DENND1B: variants seen among roughly 807,000 people sequenced by gnomAD.
DENND1B encodes DENN domain-containing protein 1B.
Under a neutral mutation model 90.1 loss-of-function variants are expected in DENND1B, and 59 were observed. That is an observed-to-expected ratio of 0.65 (90% CI 0.53 to 0.81). The LOEUF is 0.81. Ranked by LOEUF, DENND1B falls within the 40% of genes least tolerant of loss-of-function variation. The pLI is 0.00. For missense variants in DENND1B, 862 were observed against 912.6 expected (o/e 0.94, Z 0.71); for synonymous variants, 337 against 324.6 (o/e 1.04, Z -0.41).
chr1:197,704,694 A>G (rs942497799), intron 3 of DENND1B, among the ~76,000 whole-genome samples: 18 of 152,208 alleles, frequency 1.2e-4, no homozygotes, highest in South Asian at 4.1e-4. Flanking sequence ...TAACAACTCC[A>G]TGTTATGAAA....
rs1027379897 is a variant in DENND1B, at chr1:197,567,512, C to T, written c.1150-14400G>A. ...TATGTGGCCAGCATTACTCTCACAC[C>T]AAAGCCAGACAAGGAGACTCCAAAA... On this transcript the variant is annotated intron_variant, in intron 15 of 22. Transcript: ENST00000620048. 2.0e-5 allele frequency among the ~76,000 whole-genome samples: 3 copies of T among 152,158 alleles called. No individual in the cohort carries two copies. The East Asian group carries it at 5.8e-4, about 29-fold the overall frequency.
intron 15 of DENND1B, among the ~76,000 whole-genome samples, chr1:197,573,067 TTGTTGA>T (rs1428726002): frequency 6.6e-6 from 1 of 152,168 alleles, no homozygotes; most frequent in East Asian, 1.9e-4. Flanking sequence ...TCTATCAATT[TTGTTGA>T]TCCTTTCAAA....
At chr1:197,542,106 G>A (rs914560325) in intron 18 of DENND1B, among the ~76,000 whole-genome samples, 10 of 152,138 alleles carry the variant, frequency 6.6e-5, no homozygotes, top group African/African-American at 2.2e-4. Flanking sequence ...CACAATGCAA[G>A]TATTCTCCAG....
intron 15 of DENND1B, among the ~76,000 whole-genome samples, chr1:197,580,035 T>C (rs559314292): frequency 1.3e-5 from 2 of 151,268 alleles, no homozygotes; most frequent in East Asian, 3.9e-4. Flanking sequence ...TAGCTCTCAT[T>C]TATAATTTCT....
intron 3 of DENND1B, chr1:197,689,531 A>G (rs1657628296): frequency 6.5e-6 from 1 of 152,930 alleles, no homozygotes; most frequent in East Asian, 1.9e-4. Flanking sequence ...ATCTCCAAGA[A>G]TGAGCAGACT....
intron 3 of DENND1B, among the ~76,000 whole-genome samples, chr1:197,714,344 A>G (rs1660416657): frequency 6.6e-6 from 1 of 152,154 alleles, no homozygotes; most frequent in Non-Finnish European, 1.5e-5. Context: ...TATATTACAT[A>G]TAAAGCAACA....
intron 3 of DENND1B, among the ~76,000 whole-genome samples, chr1:197,701,230 C>T (rs1658993505): frequency 6.6e-6 from 1 of 152,148 alleles, no homozygotes; most frequent in Non-Finnish European, 1.5e-5. Context: ...ACATATACAC[C>T]ATGGAATACT....
chr1:197,701,285 T>C (rs915333946), intron 3 of DENND1B, among the ~76,000 whole-genome samples: 3 of 152,188 alleles, frequency 2.0e-5, no homozygotes, highest in Admixed American at 1.3e-4. Flanking sequence ...TGCAGGGACA[T>C]GGATGAAGCT....
At chr1:197,606,470 G>A (rs1037961224) in intron 13 of DENND1B, 5 of 151,154 alleles carry the variant, frequency 3.3e-5, no homozygotes, top group African/African-American at 1.2e-4. Context: ...AACAGTGTAG[G>A]TTTTCATTCT....
chr1:197,611,818 G>A, intron 12 of DENND1B, 113 bp downstream of exon 12: 1 of 807,932 alleles, frequency 1.2e-6, no homozygotes, highest in Non-Finnish European at 2.0e-6. Context: ...CTCTAAATAT[G>A]AAACTAGTCA....
chr1:197,646,503 T>C (rs868443107), intron 8 of DENND1B, among the ~76,000 whole-genome samples: 5 of 151,992 alleles, frequency 3.3e-5, no homozygotes, highest in South Asian at 4.1e-4. Context: ...AATTTAATCA[T>C]CAAAAGTTTT....
chr1:197,752,803 A>G (rs1300676853), intron 2 of DENND1B, among the ~76,000 whole-genome samples: 4 of 151,676 alleles, frequency 2.6e-5, no homozygotes, highest in Admixed American at 2.6e-4. Flanking sequence ...ACCCCACGAC[A>G]GGCCCCGGTG....
chr1:197,745,654 TA>T (rs1663669860), intron 2 of DENND1B, among the ~76,000 whole-genome samples: 1 of 147,542 alleles, frequency 6.8e-6, no homozygotes, highest in South Asian at 2.1e-4. Flanking sequence ...TATATAATAA[TA>T]ATGAAAATTT....
At chr1:197,565,458 TTTTC>T (rs1457638644) in intron 15 of DENND1B, among the ~76,000 whole-genome samples, 5 of 148,872 alleles carry the variant, frequency 3.4e-5, no homozygotes, top group Admixed American at 6.8e-5. Context: ...ACTCCTATAA[TTTTC>T]TTTTTTTTCT....
chr1:197,689,569 T>C lies in DENND1B; in HGVS notation c.127-15400A>G, dbSNP rs114665551. On this transcript the variant is annotated intron_variant, in intron 3 of 22. Transcript: ENST00000620048. ...TGAGCATATCCCTCTGGCTTCCACA[T>C]TGATTGTAAAACAACCAACTGTTCA... 2.4e-3 allele frequency: 366 copies of C among 155,592 alleles called. 4 individuals are homozygous for C. The highest frequency in any genetic ancestry group is 8.4e-3 in the African/African-American group (349 of 41,606). The allele number at this position is 155,592 out of a possible 1,614,324, so 9.6% of individuals were successfully genotyped here. A position where few individuals can be genotyped will look rare whatever the true frequency, so the allele number is the denominator to read the frequency against.
intron 15 of DENND1B, among the ~76,000 whole-genome samples, chr1:197,556,787 G>C (rs544003505): frequency 7.7e-4 from 117 of 152,042 alleles, no homozygotes; most frequent in Non-Finnish European, 1.5e-3. Context: ...TGTCTGCATT[G>C]TGTACACCCA....
intron 2 of DENND1B, among the ~76,000 whole-genome samples, chr1:197,718,015 C>T (rs758091209): frequency 2.0e-5 from 3 of 151,732 alleles, no homozygotes; most frequent in Non-Finnish European, 4.4e-5. Flanking sequence ...GGTTTCAGTG[C>T]CTAATATACC....
chr1:197,595,863 T>C (rs1675641837), intron 13 of DENND1B, among the ~76,000 whole-genome samples: 1 of 152,102 alleles, frequency 6.6e-6, no homozygotes, highest in Non-Finnish European at 1.5e-5. Flanking sequence ...ATTGAAATTA[T>C]ACCATGAGTG....
intron 4 of DENND1B, among the ~76,000 whole-genome samples, chr1:197,673,756 T>C (rs1023693919): frequency 3.9e-5 from 6 of 152,052 alleles, no homozygotes; most frequent in African/African-American, 1.2e-4. Flanking sequence ...TGAAGTGAGA[T>C]AGAAACCAGG....
Sources: gnomAD v4.1 joint callset for allele counts (sites outside exome capture counted in the v4.1 genomes callset) on GRCh38, gnomAD v4.1.1 for gene constraint, MANE v1.5 for transcripts, NCBI Gene and HGNC (gene_info 2026-07-23, HGNC 2026-07-21) for gene names.